KCNH8: variants seen among roughly 807,000 people sequenced by gnomAD.
KCNH8 encodes the protein voltage-gated delayed rectifier potassium channel KCNH8.
A neutral mutation model predicts 103.6 loss-of-function variants in KCNH8; 70 were observed. That is an observed-to-expected ratio of 0.68 (90% confidence interval 0.56 to 0.82). The LOEUF (loss-of-function observed/expected upper bound fraction) is 0.82. Among genes scored for constraint, KCNH8 ranks in the 40% least tolerant of loss-of-function variants. The pLI is 0.00. For synonymous variants in KCNH8, 498 were observed against 489.4 expected, an observed-to-expected ratio of 1.02 and a Z score of -0.23; for missense variants, 1,217 against 1,329.9, an observed-to-expected ratio of 0.92 and a Z score of 1.32.
At chr3:19,502,879 T>C (rs1212638825) in intron 11 of KCNH8, among the ~76,000 whole-genome samples, 5 of 151,770 alleles carry the variant, frequency 3.3e-5, no homozygotes, top group Non-Finnish European at 5.9e-5. Context: ...AAGGACTTCA[T>C]GTCTAAAACA....
intron 15 of KCNH8, among the ~76,000 whole-genome samples, chr3:19,532,309 A>C (rs1204205985): frequency 6.6e-6 from 1 of 152,216 alleles, no homozygotes; most frequent in African/African-American, 2.4e-5. Context: ...ATGGGGTTTC[A>C]GGTTCACTGA....
intron 14 of KCNH8, among the ~76,000 whole-genome samples, chr3:19,517,217 T>C (rs949753878): frequency 1.3e-5 from 2 of 152,058 alleles, no homozygotes; most frequent in African/African-American, 2.4e-5. Flanking sequence ...TGGCCTATTG[T>C]ATATGACCTT....
At chr3:19,326,046 A>G (rs2065418952) in intron 3 of KCNH8, among the ~76,000 whole-genome samples, 1 of 152,164 alleles carries the variant, frequency 6.6e-6, no homozygotes, top group East Asian at 1.9e-4. Context: ...GACATTGTTG[A>G]GGCTGGAGGC....
intron 7 of KCNH8, among the ~76,000 whole-genome samples, chr3:19,408,655 C>T (rs1206686273): frequency 6.6e-6 from 1 of 151,908 alleles, no homozygotes; most frequent in Non-Finnish European, 1.5e-5. Context: ...GAGATAAATG[C>T]CCTAAAAAGA....
chr3:19,241,439 C>T (rs2064139969), intron 1 of KCNH8, among the ~76,000 whole-genome samples: 1 of 152,100 alleles, frequency 6.6e-6, no homozygotes, highest in Non-Finnish European at 1.5e-5. Context: ...TAAGATACCT[C>T]ATGTGTAGAC....
intron 3 of KCNH8, among the ~76,000 whole-genome samples, chr3:19,322,962 C>T (rs1163292655): frequency 6.6e-6 from 1 of 152,044 alleles, no homozygotes; most frequent in Admixed American, 6.6e-5. Flanking sequence ...GTTCTTTCTT[C>T]TACTTGTTCA....
chr3:19,478,715 A>T (rs2068025452), intron 11 of KCNH8, among the ~76,000 whole-genome samples: 1 of 152,156 alleles, frequency 6.6e-6, no homozygotes, highest in East Asian at 1.9e-4. Context: ...TTTTGAGAAG[A>T]GGAAATGAAC....
At chr3:19,484,079 C>A (rs2125217001) in intron 11 of KCNH8, among the ~76,000 whole-genome samples, 1 of 152,164 alleles carries the variant, frequency 6.6e-6, no homozygotes, top group African/African-American at 2.4e-5. Context: ...CATCAAATTT[C>A]AAGATTATGC....
intron 1 of KCNH8, among the ~76,000 whole-genome samples, chr3:19,185,261 T>A (rs982797503): frequency 2.6e-5 from 4 of 151,938 alleles, no homozygotes; most frequent in African/African-American, 9.7e-5. Context: ...TATTTTCAGT[T>A]TCTCTGCATC....
intron 5 of KCNH8, among the ~76,000 whole-genome samples, chr3:19,379,092 G>A (rs1331456935): frequency 6.6e-6 from 1 of 152,154 alleles, no homozygotes; most frequent in African/African-American, 2.4e-5. Context: ...ACTATCTTGG[G>A]CAACTTTATT....
At chr3:19,170,789 C>T (rs1192400716) in intron 1 of KCNH8, among the ~76,000 whole-genome samples, 1,160 of 107,976 alleles carry the variant, frequency 0.011, 48 homozygotes, top group African/African-American at 0.042. Context: ...CACACACACA[C>T]ATATATATAT....
At chr3:19,318,127 A>C (rs980390837) in intron 3 of KCNH8, among the ~76,000 whole-genome samples, 1 of 151,890 alleles carries the variant, frequency 6.6e-6, no homozygotes, top group Admixed American at 6.6e-5. Flanking sequence ...CTTCAGCAAA[A>C]TCTGAGGATA....
At chr3:19,217,957 GTGTT>G (rs1452230084) in intron 1 of KCNH8, among the ~76,000 whole-genome samples, 1 of 152,162 alleles carries the variant, frequency 6.6e-6, no homozygotes, top group Non-Finnish European at 1.5e-5. Context: ...CCAGGCAGTG[GTGTT>G]AAGGACTTCT....
chr3:19,291,795 T>C (rs1253941404), intron 3 of KCNH8, among the ~76,000 whole-genome samples: 1 of 152,204 alleles, frequency 6.6e-6, no homozygotes, highest in Non-Finnish European at 1.5e-5. Context: ...TTCCTGGATA[T>C]CCTTGTTAAC....
intron 11 of KCNH8, among the ~76,000 whole-genome samples, chr3:19,476,629 G>C (rs2125208804): frequency 6.6e-6 from 1 of 152,196 alleles, no homozygotes. Context: ...TTACCCTGCT[G>C]AATTCCCAAA....
chr3:19,198,455 G>A (rs905168454), intron 1 of KCNH8, among the ~76,000 whole-genome samples: 6 of 152,060 alleles, frequency 3.9e-5, no homozygotes, highest in Non-Finnish European at 8.8e-5. Flanking sequence ...TAAAGCTGGA[G>A]AAGTCACAGA....
At position 19,246,322 on chromosome 3, in the gene KCNH8, G is replaced by A. The variant is rs13319882; in HGVS notation, c.77-7332G>A. 7.3e-3 allele frequency among the ~76,000 whole-genome samples: 1,031 copies of A among 141,946 alleles called. 11 individuals are homozygous for A. Among genetic ancestry groups the A allele is most frequent in the African/African-American group, 0.027 (997 of 37,056 alleles). The allele number at this position is 141,946 out of a possible 152,430, so 93.1% of individuals were successfully genotyped here. A position where few individuals can be genotyped will look rare whatever the true frequency, so the allele number is the denominator to read the frequency against. On this transcript the variant is annotated intron_variant, in intron 1 of 15. Transcript: ENST00000328405. Reference sequence around the variant, plus strand: ...TGATGGAGTCTCGCTCTGTCGCCAGGCTGGAGTGCAGTGGTGCGATATCGG... The same window carrying A: ...TGATGGAGTCTCGCTCTGTCGCCAGACTGGAGTGCAGTGGTGCGATATCGG...
At position 19,533,906 on chromosome 3, in the gene KCNH8, TA is replaced by T. The variant is rs2069218327; in HGVS notation, c.3132del (p.Val1045PhefsTer16). On this transcript the variant is annotated frameshift_variant, in exon 16 of 16. Coordinates refer to ENST00000328405, the MANE Select transcript of KCNH8 (RefSeq NM_144633.3). LOFTEE classifies it high-confidence loss of function. Reference sequence around the variant, plus strand: ...TCCTCTTCGGAAACATCTTTGCACCTAGTTCTCCCAAGCAGATCAGAGGAGG... The same window carrying T: ...TCCTCTTCGGAAACATCTTTGCACCTGTTCTCCCAAGCAGATCAGAGGAGG... ...VCSSSETSLH[L>X]VLPSRSEEGS... The T allele has an allele frequency of 2.5e-6, 4 of 1,614,036 alleles. No individual in the cohort carries two copies. Among genetic ancestry groups the T allele is most frequent in the Non-Finnish European group, 3.4e-6 (4 of 1,180,034 alleles).
At chr3:19,274,305 G>T (rs1237896059) in intron 2 of KCNH8, among the ~76,000 whole-genome samples, 1 of 152,128 alleles carries the variant, frequency 6.6e-6, no homozygotes, top group Non-Finnish European at 1.5e-5. Context: ...TGCAAGACGT[G>T]TTGTACAATG....
Sources: allele counts gnomAD v4.1 joint callset (sites outside exome capture counted in the v4.1 genomes callset), GRCh38; gene constraint gnomAD v4.1.1; transcripts MANE v1.5; gene names NCBI Gene and HGNC (gene_info 2026-07-23, HGNC 2026-07-21).